SORCS1: variants seen among roughly 807,000 people sequenced by gnomAD.
SORCS1 encodes VPS10 domain-containing receptor SorCS1.
A neutral mutation model predicts 146.1 loss-of-function variants in SORCS1; 60 were observed. That is an observed-to-expected ratio of 0.41 (90% confidence interval 0.33 to 0.51). SORCS1 has a LOEUF of 0.51. Among genes scored for constraint, SORCS1 ranks in the 20% least tolerant of loss-of-function variants. The pLI is 0.21. For missense variants in SORCS1, 1,352 were observed against 1,487.6 expected (o/e 0.91, Z 1.50); for synonymous variants, 637 against 584.0 (o/e 1.09, Z -1.31).
intron 3 of SORCS1, among the ~76,000 whole-genome samples, chr10:106,809,237 T>A (rs1947340044): frequency 6.6e-6 from 1 of 151,858 alleles, no homozygotes; most frequent in Non-Finnish European, 1.5e-5. Flanking sequence ...ATAATAATAA[T>A]AAAAAACCTC....
intron 24 of SORCS1, among the ~76,000 whole-genome samples, chr10:106,586,102 A>T (rs1471426592): frequency 6.6e-6 from 1 of 152,260 alleles, no homozygotes; most frequent in Non-Finnish European, 1.5e-5. Flanking sequence ...AGTCTCTTTC[A>T]ACTGGTTAAA....
chr10:106,794,585 C>A (rs189925454), intron 3 of SORCS1, among the ~76,000 whole-genome samples: 7 of 149,824 alleles, frequency 4.7e-5, no homozygotes, highest in Non-Finnish European at 7.4e-5. Context: ...TCACTGCAAG[C>A]TGTGCCTCCC....
chr10:107,030,625 G>A (rs1260315276), intron 1 of SORCS1, among the ~76,000 whole-genome samples: 3 of 152,120 alleles, frequency 2.0e-5, no homozygotes, highest in African/African-American at 7.2e-5. Context: ...ATATTAAAAA[G>A]TTAATGAAAA....
Position 106,679,654 on chromosome 10 carries a change from A to T in SORCS1, c.1641T>A (p.Ala547=), listed in dbSNP as rs755982611. ...TACCTGATGCCACTATGATGCTTGGAGCTGTGTCTTTGCTGGCAATGATCC... is the reference window on the plus strand; with the variant it reads ...TACCTGATGCCACTATGATGCTTGGTGCTGTGTCTTTGCTGGCAATGATCC... The part of the protein sequence containing the change: ...TSGIIASKDT[A]PSIIVASGNI... The change falls in exon 11 of 26, where the codon GCT becomes GCA. Residue 547 remains alanine (A), a synonymous_variant. Coordinates refer to ENST00000263054, the MANE Select transcript of SORCS1 (RefSeq NM_052918.5). 3 of 1,612,426 alleles carry T rather than the reference A, an allele frequency of 1.9e-6. No individual in the cohort carries two copies. The Admixed American group carries it at 5.0e-5, about 27-fold the overall frequency.
intron 3 of SORCS1, among the ~76,000 whole-genome samples, chr10:106,820,390 C>G (rs1947959466): frequency 6.6e-6 from 1 of 152,136 alleles, no homozygotes; most frequent in Non-Finnish European, 1.5e-5. Context: ...AAAACAAGAG[C>G]ACATTAGAGG....
At chr10:106,976,094 C>T (rs1161114692) in intron 1 of SORCS1, among the ~76,000 whole-genome samples, 1 of 143,612 alleles carries the variant, frequency 7.0e-6, no homozygotes, top group East Asian at 2.1e-4. Flanking sequence ...TTCAGTGAGC[C>T]GAGATCATGC....
chr10:106,737,289 G>T (rs1263516148), intron 5 of SORCS1, among the ~76,000 whole-genome samples: 5 of 152,174 alleles, frequency 3.3e-5, no homozygotes, highest in Non-Finnish European at 7.4e-5. Context: ...GAAGCTTTCT[G>T]CAGCAGCTCT....
At chr10:106,919,190 A>C (rs1952586261) in intron 2 of SORCS1, among the ~76,000 whole-genome samples, 1 of 152,170 alleles carries the variant, frequency 6.6e-6, no homozygotes, top group Admixed American at 6.5e-5. Flanking sequence ...AAATACTTCT[A>C]TTTAAAGAGG....
At chr10:106,837,409 G>A (rs1185061794) in intron 2 of SORCS1, among the ~76,000 whole-genome samples, 5 of 151,996 alleles carry the variant, frequency 3.3e-5, no homozygotes, top group African/African-American at 1.2e-4. Flanking sequence ...ATTTGTAACT[G>A]CCTGGTTCTC....
intron 1 of SORCS1, among the ~76,000 whole-genome samples, chr10:107,119,060 C>A (rs1966225902): frequency 6.6e-6 from 1 of 152,146 alleles, no homozygotes; most frequent in South Asian, 2.1e-4. Flanking sequence ...ATCCTGAAAG[C>A]TATATACCAT....
chr10:106,808,563 C>T lies in SORCS1; in HGVS notation c.726+21011G>A, dbSNP rs539406049. The stretch of plus-strand genomic sequence containing the variant: ...TGTCGCCCAGTCTGGAGTGCAGTGG[C>T]GTGATCTCGGCTCACTGCAAGCTCC... On this transcript the variant is annotated intron_variant, in intron 3 of 25. Transcript: ENST00000263054. Among the ~76,000 whole-genome samples, 204 of 152,122 alleles carry T rather than the reference C, an allele frequency of 1.3e-3. 1 individual carries two copies. The highest frequency in any genetic ancestry group is 4.5e-3 in the African/African-American group (187 of 41,486).
At chr10:106,904,117 T>C (rs1373709258) in intron 2 of SORCS1, among the ~76,000 whole-genome samples, 1 of 152,210 alleles carries the variant, frequency 6.6e-6, no homozygotes, top group Non-Finnish European at 1.5e-5. Flanking sequence ...TCCAGCTCCT[T>C]TAAATTTCTC....
chr10:106,694,088 G>C (rs1360548929), intron 9 of SORCS1, among the ~76,000 whole-genome samples: 1 of 152,072 alleles, frequency 6.6e-6, no homozygotes, highest in Non-Finnish European at 1.5e-5. Context: ...TTTCTCGAGA[G>C]GACAACAGGA....
chr10:106,899,382 A>C (rs1951611378), intron 2 of SORCS1, among the ~76,000 whole-genome samples: 1 of 152,226 alleles, frequency 6.6e-6, no homozygotes, highest in Non-Finnish European at 1.5e-5. Flanking sequence ...AAAGATAAAT[A>C]AGCAACATCC....
At chr10:106,639,445 G>T (rs1848923392) in intron 18 of SORCS1, among the ~76,000 whole-genome samples, 1 of 152,230 alleles carries the variant, frequency 6.6e-6, no homozygotes, top group Admixed American at 6.5e-5. Context: ...AGACCCTAAA[G>T]AACAGCAATA....
intron 24 of SORCS1, among the ~76,000 whole-genome samples, chr10:106,588,926 C>T (rs1845422085): frequency 6.8e-6 from 1 of 146,316 alleles, no homozygotes; most frequent in Admixed American, 6.8e-5. Flanking sequence ...GGATTCTTCA[C>T]TGTGTGTGGT....
Position 106,730,051 on chromosome 10 carries a change from A to G in SORCS1, c.1023T>C (p.Gly341=), listed in dbSNP as rs190294057. 6 of 1,614,106 alleles carry G rather than the reference A, an allele frequency of 3.7e-6. No individual in the cohort carries two copies. In the East Asian group the frequency reaches 1.3e-4, roughly 36 times the overall value. ...TTGCGGCAAAGTTGATTTACTTACG[A>G]CCATCCACAGTTCTGGCCTCAAGAT... ...LVHLEARTVD[G]HSHYLTCRMQ... is the part of the protein sequence containing the mutation. The change falls in exon 6 of 26, where the codon GGT becomes GGC. Residue 341 remains glycine, a splice_region_variant and synonymous_variant. Coordinates refer to ENST00000263054, the MANE Select transcript of SORCS1 (RefSeq NM_052918.5).
Position 106,577,552 on chromosome 10 carries a change from T to C in SORCS1, c.3375A>G (p.Arg1125=), listed in dbSNP as rs1186379401. The C allele has an allele frequency of 6.2e-7, 1 of 1,610,546 alleles. No individual in the cohort carries two copies. Among genetic ancestry groups the C allele is most frequent in the Non-Finnish European group, 8.5e-7 (1 of 1,177,862 alleles). ...AVFVIYKFKR[R]VALPSPPSPS... ...GGGAGGGAGGGGAGGGTAAAGCTAC[T>C]CTCCTAAGAGAAAACGTGTAACACT... Residue 1125 remains arginine (R), a synonymous_variant, in exon 26 of 26, where the codon AGA becomes AGG. Coordinates refer to ENST00000263054, the MANE Select transcript of SORCS1 (RefSeq NM_052918.5).
intron 1 of SORCS1, among the ~76,000 whole-genome samples, chr10:107,017,141 C>T (rs1957931628): frequency 6.6e-6 from 1 of 152,186 alleles, no homozygotes; most frequent in East Asian, 1.9e-4. Flanking sequence ...CCCAGAAATT[C>T]CACTTCTAGA....
Sources: gnomAD v4.1 joint callset for allele counts (sites outside exome capture counted in the v4.1 genomes callset) on GRCh38, gnomAD v4.1.1 for gene constraint, MANE v1.5 for transcripts, NCBI Gene and HGNC (gene_info 2026-07-23, HGNC 2026-07-21) for gene names.